The following RAD51B variants were observed in gnomAD, a reference collection of about 807,000 sequenced individuals.
RAD51B encodes the protein RAD51 paralog B, also known as DNA repair protein RAD51 homolog 2.
RAD51B carries 38 observed loss-of-function variants against 42.2 expected under a neutral mutation model. That is an observed-to-expected ratio of 0.90 (90% CI 0.70 to 1.18). The LOEUF (loss-of-function observed/expected upper bound fraction) is 1.18, where lower values mean the gene tolerates loss of function less well. Among genes scored for constraint, RAD51B ranks in the 50% most tolerant of loss-of-function variants. The pLI, the probability that RAD51B is intolerant of heterozygous loss-of-function variation, is 0.00. For synonymous variants in RAD51B, 154 were observed against 145.2 expected (o/e 1.06, Z -0.43); for missense variants, 373 against 400.7 (o/e 0.93, Z 0.59).
intron 5 of RAD51B, among the ~76,000 whole-genome samples, chr14:67,875,509 T>C (rs2042696337): frequency 6.6e-6 from 1 of 152,194 alleles, no homozygotes; most frequent in Non-Finnish European, 1.5e-5. Flanking sequence ...TTCTGTATCT[T>C]ATTAAAGTTT....
At chr14:68,511,414 C>G (rs1885718186) in intron 10 of RAD51B, among the ~76,000 whole-genome samples, 1 of 152,200 alleles carries the variant, frequency 6.6e-6, no homozygotes, top group African/African-American at 2.4e-5. Flanking sequence ...CCTCTGAAAT[C>G]TGGTCAAGCT....
intron 4 of RAD51B, among the ~76,000 whole-genome samples, chr14:67,850,628 G>A (rs2041773423): frequency 6.6e-6 from 1 of 152,172 alleles, no homozygotes; most frequent in Non-Finnish European, 1.5e-5. Flanking sequence ...GTGGAGGGCT[G>A]CATACCATGT....
chr14:68,681,773 C>T (rs998145719), intron 11 of RAD51B, among the ~76,000 whole-genome samples: 1 of 152,218 alleles, frequency 6.6e-6, no homozygotes, highest in African/African-American at 2.4e-5. Context: ...CCTCTCTCCT[C>T]TGTTGAAAGT....
intron 7 of RAD51B, among the ~76,000 whole-genome samples, chr14:67,954,289 T>C (rs1231893732): frequency 6.6e-6 from 1 of 152,226 alleles, no homozygotes; most frequent in Non-Finnish European, 1.5e-5. Flanking sequence ...TAGGTAAGAT[T>C]CTTTGTGCTT....
intron 7 of RAD51B, among the ~76,000 whole-genome samples, chr14:68,291,054 C>T (rs748852038): frequency 1.1e-4 from 16 of 151,728 alleles, no homozygotes; most frequent in South Asian, 2.1e-4. Context: ...GCGATTCGCC[C>T]GCCTCAGCCT....
At chr14:68,218,348 C>T (rs1218136326) in intron 7 of RAD51B, among the ~76,000 whole-genome samples, 2 of 152,164 alleles carry the variant, frequency 1.3e-5, no homozygotes, top group Admixed American at 6.5e-5. Context: ...TCTAATCAAA[C>T]TTTAATGCTG....
At chr14:68,051,117 C>CT (rs2076386067) in intron 7 of RAD51B, among the ~76,000 whole-genome samples, 1 of 151,564 alleles carries the variant, frequency 6.6e-6, no homozygotes, top group Admixed American at 6.6e-5. Flanking sequence ...TAAGAATAAA[C>CT]TAAAAGGGAA....
At chr14:68,504,666 T>TC (rs1312909765) in intron 10 of RAD51B, among the ~76,000 whole-genome samples, 1 of 92,260 alleles carries the variant, frequency 1.1e-5, no homozygotes, top group African/African-American at 4.4e-5. Flanking sequence ...TTCTTTCTTT[T>TC]TTTTTTTTTT....
At chr14:68,200,008 G>A (rs562501081) in intron 7 of RAD51B, among the ~76,000 whole-genome samples, 1 of 152,266 alleles carries the variant, frequency 6.6e-6, no homozygotes, top group South Asian at 2.1e-4. Context: ...GTTTATATTG[G>A]CTGGCTCCTT....
intron 8 of RAD51B, among the ~76,000 whole-genome samples, chr14:68,353,977 T>G (rs1400903212): frequency 6.6e-6 from 1 of 152,194 alleles, no homozygotes; most frequent in Non-Finnish European, 1.5e-5. Context: ...ACCTGTGATG[T>G]TAGGCAAGCA....
At chr14:68,133,272 C>T (rs1269975321) in intron 7 of RAD51B, among the ~76,000 whole-genome samples, 1 of 152,012 alleles carries the variant, frequency 6.6e-6, no homozygotes, top group Non-Finnish European at 1.5e-5. Context: ...TCTTTTTCCA[C>T]GTATTTCTAC....
At chr14:67,915,707 T>C (rs2044128510) in intron 7 of RAD51B, among the ~76,000 whole-genome samples, 1 of 152,206 alleles carries the variant, frequency 6.6e-6, no homozygotes, top group South Asian at 2.1e-4. Flanking sequence ...TATAAGATTG[T>C]ATATCAAATT....
chr14:68,520,892 T>C (rs1886528610), intron 10 of RAD51B, among the ~76,000 whole-genome samples: 1 of 152,176 alleles, frequency 6.6e-6, no homozygotes, highest in Non-Finnish European at 1.5e-5. Flanking sequence ...AAGAGAAACG[T>C]CAATAGTCCT....
chr14:68,478,817 GAAGA>G (rs1160152260), downstream of RAD51B, among the ~76,000 whole-genome samples: 1 of 152,212 alleles, frequency 6.6e-6, no homozygotes, highest in Non-Finnish European at 1.5e-5. Flanking sequence ...GAAGATTGAT[GAAGA>G]AAGACTGAGT....
chr14:68,266,032 T>C (rs1161676765), intron 7 of RAD51B, among the ~76,000 whole-genome samples: 1 of 152,318 alleles, frequency 6.6e-6, no homozygotes, highest in Non-Finnish European at 1.5e-5. Context: ...TCAAATTTGT[T>C]CTTTATTTGT....
intron 8 of RAD51B, among the ~76,000 whole-genome samples, chr14:68,408,076 G>A (rs2145426): frequency 0.024 from 3,615 of 152,238 alleles, 152 homozygotes; most frequent in African/African-American, 0.082. Context: ...CAGCAGCACA[G>A]ACAACAGGCA....
chr14:68,063,462 G>A (rs954515955), intron 7 of RAD51B, among the ~76,000 whole-genome samples: 1 of 152,092 alleles, frequency 6.6e-6, no homozygotes, highest in Admixed American at 6.6e-5. Flanking sequence ...GGGGCTGGGC[G>A]CAGTGGCTCA....
chr14:68,531,229 A>G (rs1363122781), intron 10 of RAD51B, among the ~76,000 whole-genome samples: 2 of 152,080 alleles, frequency 1.3e-5, no homozygotes, highest in African/African-American at 4.8e-5. Context: ...AAGAAAATAA[A>G]TAGAAAACTA....
At chr14:68,272,793 T>C (rs2081145893) in intron 7 of RAD51B, among the ~76,000 whole-genome samples, 1 of 143,820 alleles carries the variant, frequency 7.0e-6, no homozygotes, top group Non-Finnish European at 1.5e-5. Context: ...CACACCATTC[T>C]CCTGCCTCAG....
Sources: gnomAD v4.1 joint callset for allele counts (sites outside exome capture counted in the v4.1 genomes callset) on GRCh38, gnomAD v4.1.1 for gene constraint, MANE v1.5 for transcripts, NCBI Gene and HGNC (gene_info 2026-07-23, HGNC 2026-07-21) for gene names.